The following DNASE2B variants were observed in gnomAD, a reference collection of about 807,000 sequenced individuals.
DNASE2B encodes deoxyribonuclease-2-beta.
A neutral mutation model predicts 46.0 loss-of-function variants in DNASE2B; 43 were observed. The ratio of observed to expected loss-of-function variants is 0.94; its 90% CI spans 0.73 to 1.21. The LOEUF (loss-of-function observed/expected upper bound fraction) is 1.21. DNASE2B is among the 50% of genes most tolerant of loss of function. DNASE2B has a pLI of 0.00. For synonymous variants in DNASE2B, 156 were observed against 152.5 expected (o/e 1.02, Z -0.17); for missense variants, 395 against 414.4 (o/e 0.95, Z 0.41).
intron 5 of DNASE2B, among the ~76,000 whole-genome samples, chr1:84,413,711 C>G (rs1238334886): frequency 1.3e-5 from 2 of 152,172 alleles, no homozygotes; most frequent in East Asian, 3.9e-4. Flanking sequence ...GATCTCTACC[C>G]CAGACCTCTA....
chr1:84,406,294 G>C (rs667923), intron 2 of DNASE2B, among the ~76,000 whole-genome samples: 2 of 151,980 alleles, frequency 1.3e-5, no homozygotes, highest in East Asian at 3.9e-4. Context: ...CCACATCAAC[G>C]AGACTGCTAG....
chr1:84,398,589 C>G lies in DNASE2B; in HGVS notation c.25C>G (p.Leu9Val). Residue 9 changes from leucine to valine, a missense_variant, in exon 1 of 6, where the codon CTG (leucine) becomes GTG (valine). By Grantham distance (32) the Leu-to-Val change is conservative. Transcript: ENST00000370665. Reference sequence around the variant, plus strand: ...AATGAAACAGAAAATGATGGCAAGACTGCTAAGAACATCCTTTGCTTTGCT... The same window carrying G: ...AATGAAACAGAAAATGATGGCAAGAGTGCTAAGAACATCCTTTGCTTTGCT... MKQKMMAR[L>V]LRTSFALLFL... 1 of 1,613,872 alleles carries G rather than the reference C, an allele frequency of 6.2e-7. No homozygotes were observed. The highest frequency in any genetic ancestry group is 8.5e-7 in the Non-Finnish European group (1 of 1,179,802).
At chr1:84,404,589 T>G (rs1296998249) in intron 2 of DNASE2B, among the ~76,000 whole-genome samples, 2 of 152,146 alleles carry the variant, frequency 1.3e-5, no homozygotes, top group Non-Finnish European at 2.9e-5. Flanking sequence ...TCAGAGACAT[T>G]ATGTTTGGGG....
At chr1:84,408,360 T>C (rs1036419812) in intron 2 of DNASE2B, 77 bp from the exon 3 acceptor site, 2 of 1,488,224 alleles carry the variant, frequency 1.3e-6, no homozygotes, top group African/African-American at 1.4e-5. Context: ...TATTGCAGGC[T>C]GGGTAGCTGG....
intron 2 of DNASE2B, among the ~76,000 whole-genome samples, chr1:84,404,557 T>C (rs940335207): frequency 1.3e-5 from 2 of 152,228 alleles, no homozygotes; most frequent in African/African-American, 2.4e-5. Context: ...AAGGTTCTTA[T>C]GAACCTGATT....
At chr1:84,401,022 G>T (rs1680394067) in intron 1 of DNASE2B, among the ~76,000 whole-genome samples, 1 of 152,178 alleles carries the variant, frequency 6.6e-6, no homozygotes, top group African/African-American at 2.4e-5. Context: ...TATGGTAATA[G>T]TGTATATATT....
intron 2 of DNASE2B, among the ~76,000 whole-genome samples, chr1:84,402,587 C>G (rs1256965131): frequency 6.6e-6 from 1 of 152,152 alleles, no homozygotes; most frequent in Non-Finnish European, 1.5e-5. Flanking sequence ...GTTCAAGGCC[C>G]TAGAACTAAC....
At chr1:84,401,862 C>A in intron 1 of DNASE2B, 39 bp from the exon 2 acceptor site, 1 of 1,400,820 alleles carries the variant, frequency 7.1e-7, no homozygotes, top group South Asian at 1.5e-5. Flanking sequence ...GGAAAACAGT[C>A]AATAAATGTT....
chr1:84,408,028 TATA>T (rs1680519419), intron 2 of DNASE2B, among the ~76,000 whole-genome samples: 1 of 152,170 alleles, frequency 6.6e-6, no homozygotes, highest in Non-Finnish European at 1.5e-5. Flanking sequence ...GCACTGTGCC[TATA>T]ATATCAATGG....
At chr1:84,400,393 GAAAGAA>G (rs1680384610) in intron 1 of DNASE2B, among the ~76,000 whole-genome samples, 1 of 152,116 alleles carries the variant, frequency 6.6e-6, no homozygotes, top group Admixed American at 6.5e-5. Flanking sequence ...AACAAAACAA[GAAAGAA>G]AAAGAAAGAA....
chr1:84,407,182 C>T (rs1680505852), intron 2 of DNASE2B, among the ~76,000 whole-genome samples: 1 of 152,162 alleles, frequency 6.6e-6, no homozygotes, highest in Non-Finnish European at 1.5e-5. Context: ...CTGGCAGTTA[C>T]ACTCAGTTAG....
chr1:84,414,502 A>G (rs745523268), intron 5 of DNASE2B, 26 bp from the exon 6 acceptor site: 47 of 1,558,662 alleles, frequency 3.0e-5, no homozygotes, highest in Non-Finnish European at 3.8e-5. Context: ...TACCAACCTC[A>G]CTATCTTTCT....
chr1:84,410,428 CTGTT>C (rs952981764), intron 3 of DNASE2B, among the ~76,000 whole-genome samples: 1 of 152,172 alleles, frequency 6.6e-6, no homozygotes, highest in Non-Finnish European at 1.5e-5. Context: ...TCTTTCAACT[CTGTT>C]TTTTAGTCAG....
chr1:84,408,576 T>G, intron 3 of DNASE2B, 58 bp downstream of exon 3: 1 of 1,467,722 alleles, frequency 6.8e-7, no homozygotes, highest in South Asian at 1.2e-5. Context: ...TTCTTAAATA[T>G]TTCATCTTGA....
intron 1 of DNASE2B, among the ~76,000 whole-genome samples, chr1:84,400,278 G>T (rs1680382414): frequency 6.6e-6 from 1 of 152,114 alleles, no homozygotes; most frequent in Non-Finnish European, 1.5e-5. Context: ...TGAGGCAGGA[G>T]AATTGCTTGA....
At chr1:84,403,986 G>A (rs960173582) in intron 2 of DNASE2B, among the ~76,000 whole-genome samples, 2 of 144,892 alleles carry the variant, frequency 1.4e-5, no homozygotes, top group East Asian at 2.0e-4. Flanking sequence ...CGGAGGGGGT[G>A]GGTAAAGATA....
rs1372073576 is a variant in DNASE2B, at chr1:84,408,513, C to T, written c.380C>T (p.Thr127Ile). Residue 127 changes from threonine to isoleucine, a missense_variant, in exon 3 of 6, where the codon ACC becomes ATC. Thr to Ile is a moderately conservative substitution (Grantham distance 89, BLOSUM62 -1). Transcript: ENST00000370665. Reference protein sequence around the residue: ...PVNYSRKYGHTKGLLLWNRVQ... With the variant: ...PVNYSRKYGHIKGLLLWNRVQ... ...AATTACAGCAGAAAGTATGGACACACCAAAGGTATGACAAAGATTCTTGGT... is the reference window on the plus strand; with the variant it reads ...AATTACAGCAGAAAGTATGGACACATCAAAGGTATGACAAAGATTCTTGGT... The T allele has an allele frequency of 6.2e-7, 1 of 1,607,688 alleles. No homozygotes were observed. Among genetic ancestry groups the T allele is most frequent in the Non-Finnish European group, 8.5e-7 (1 of 1,177,030 alleles).
At position 84,410,921 on chromosome 1, in the gene DNASE2B, G is replaced by A. The variant is rs752878541; in HGVS notation, c.469G>A (p.Asp157Asn). Residue 157 changes from aspartate (D) to asparagine (N), a missense_variant, in exon 4 of 6, where the codon GAT (aspartate) becomes AAT (asparagine). Transcript: ENST00000370665. ...QFPPIPEEGY[D>N]YPPTGRRNGQ... is the part of the protein sequence containing the mutation. Reference sequence around the variant, plus strand: ...TCCTCCAATTCCGGAAGAAGGCTATGATTATCCACCCACAGGGAGACGAAA... The same window carrying A: ...TCCTCCAATTCCGGAAGAAGGCTATAATTATCCACCCACAGGGAGACGAAA... 1.2e-6 allele frequency: 2 copies of A among 1,613,210 alleles called. No homozygotes were observed. The highest frequency in any genetic ancestry group is 1.7e-6 in the Non-Finnish European group (2 of 1,179,620).
chr1:84,403,067 T>G lies in DNASE2B; in HGVS notation c.303+989T>G, dbSNP rs1340940363. ...AGCCTTCAGAGCCAAGCTACAAAGT[T>G]AAAGCTTATCTGTAGGCTATTTGAG... On this transcript the variant is annotated intron_variant, in intron 2 of 5. Transcript: ENST00000370665. Among the ~76,000 whole-genome samples the G allele has an allele frequency of 2.6e-5, 4 of 152,232 alleles. No individual in the cohort carries two copies. The East Asian group carries it at 7.7e-4, about 29-fold the overall frequency.
Sources: allele counts gnomAD v4.1 joint callset (sites outside exome capture counted in the v4.1 genomes callset), GRCh38; gene constraint gnomAD v4.1.1; transcripts MANE v1.5; gene names NCBI Gene and HGNC (gene_info 2026-07-23, HGNC 2026-07-21).